Variants in PRKG1 observed in about 807,000 individuals in gnomAD.
The protein encoded by PRKG1 is protein kinase cGMP-dependent 1.
A neutral mutation model predicts 88.1 loss-of-function variants in PRKG1; 35 were observed. That is an observed-to-expected ratio of 0.40 (90% CI 0.30 to 0.53). The LOEUF is 0.53. PRKG1 is among the 20% of genes least tolerant of loss of function. PRKG1 has a pLI of 0.59. For missense variants in PRKG1, 540 were observed against 839.8 expected, an observed-to-expected ratio of 0.64 and a Z score of 4.41; for synonymous variants, 303 against 292.5, an observed-to-expected ratio of 1.04 and a Z score of -0.37.
intron 4 of PRKG1, among the ~76,000 whole-genome samples, chr10:51,888,595 G>C (rs1428805757): frequency 2.0e-5 from 3 of 152,170 alleles, no homozygotes; most frequent in Non-Finnish European, 2.9e-5. Context: ...GAGCAAAGGA[G>C]ACAAACAATG....
intron 3 of PRKG1, among the ~76,000 whole-genome samples, chr10:51,745,736 T>A (rs1837559777): frequency 6.6e-6 from 1 of 152,148 alleles, no homozygotes; most frequent in Admixed American, 6.5e-5. Context: ...AGGCTGGGCG[T>A]GGTGTCTCAC....
chr10:51,904,146 C>A (rs1194861471), intron 4 of PRKG1, among the ~76,000 whole-genome samples: 1 of 152,008 alleles, frequency 6.6e-6, no homozygotes, highest in Non-Finnish European at 1.5e-5. Context: ...TAACTTCGGG[C>A]CTATTGCAAG....
intron 4 of PRKG1, among the ~76,000 whole-genome samples, chr10:51,876,830 C>T (rs148907617): frequency 6.6e-6 from 1 of 152,212 alleles, no homozygotes; most frequent in East Asian, 1.9e-4. Context: ...AGTTCCCTTG[C>T]ACCGGGGTGG....
At chr10:51,365,523 C>A (rs1030961415) in intron 2 of PRKG1, among the ~76,000 whole-genome samples, 4 of 151,922 alleles carry the variant, frequency 2.6e-5, no homozygotes, top group Non-Finnish European at 5.9e-5. Context: ...TGCCATTCAG[C>A]CCCAATAAAT....
chr10:51,186,503 A>T (rs1837490711), intron 2 of PRKG1, among the ~76,000 whole-genome samples: 1 of 151,118 alleles, frequency 6.6e-6, no homozygotes, highest in African/African-American at 2.4e-5. Flanking sequence ...TTACCACTTC[A>T]TTTCTGAGGT....
At chr10:50,999,974 A>T (rs940934259) in intron 1 of PRKG1, among the ~76,000 whole-genome samples, 4 of 152,204 alleles carry the variant, frequency 2.6e-5, no homozygotes, top group African/African-American at 9.6e-5. Context: ...GAGGAGCACT[A>T]TCTAGAACGT....
At chr10:51,697,800 G>A in intron 3 of PRKG1, 1 of 1,614,186 alleles carries the variant, frequency 6.2e-7, no homozygotes, top group Non-Finnish European at 8.5e-7. Flanking sequence ...GTCAGTTGAA[G>A]AACCTGCATG....
chr10:51,068,690 T>A (rs1018544837), intron 1 of PRKG1: 13 of 151,966 alleles, frequency 8.6e-5, no homozygotes, highest in African/African-American at 3.1e-4. Flanking sequence ...AGAATCAAAA[T>A]TACTTTTAAA....
At chr10:51,444,474 A>G (rs1319178439) in intron 2 of PRKG1, among the ~76,000 whole-genome samples, 1 of 151,920 alleles carries the variant, frequency 6.6e-6, no homozygotes, top group African/African-American at 2.4e-5. Flanking sequence ...TAAAGCTACA[A>G]TCAAGTAAGT....
At chr10:51,529,605 C>T (rs1841966632) in intron 3 of PRKG1, among the ~76,000 whole-genome samples, 1 of 152,296 alleles carries the variant, frequency 6.6e-6, no homozygotes, top group South Asian at 2.1e-4. Flanking sequence ...ACTCATTCCA[C>T]TTAGCACTCA....
intron 7 of PRKG1, among the ~76,000 whole-genome samples, chr10:52,086,934 C>T (rs967985711): frequency 3.9e-5 from 6 of 151,994 alleles, no homozygotes; most frequent in Admixed American, 3.3e-4. Context: ...GGAGAAGTGC[C>T]GAGTAAAAGG....
At chr10:52,164,557 C>G (rs1838377976) in intron 9 of PRKG1, among the ~76,000 whole-genome samples, 1 of 151,804 alleles carries the variant, frequency 6.6e-6, no homozygotes, top group Non-Finnish European at 1.5e-5. Context: ...GAAATTAAAC[C>G]TTGCCTAGAA....
chr10:51,369,021 G>C (rs1842646074), intron 2 of PRKG1, among the ~76,000 whole-genome samples: 2 of 152,060 alleles, frequency 1.3e-5, no homozygotes, highest in Non-Finnish European at 2.9e-5. Context: ...TTAGAAATGA[G>C]ATAGTCTCTA....
At position 51,758,665 on chromosome 10, in the gene PRKG1, C is replaced by T. The variant is rs192828303; in HGVS notation, c.593-45920C>T. Among the ~76,000 whole-genome samples, 38 of 152,192 alleles carry T rather than the reference C, an allele frequency of 2.5e-4. 1 individual carries two copies. In the East Asian group the frequency reaches 5.8e-3, roughly 23 times the overall value. On this transcript the variant is annotated intron_variant, in intron 3 of 17. Transcript: ENST00000373980. ...CTCATTAGCATCTTAAATCTCTACC[C>T]AGGCCTGTGATTTTTTTTTTAAATT...
intron 9 of PRKG1, among the ~76,000 whole-genome samples, chr10:52,229,577 C>T (rs1369939145): frequency 1.3e-5 from 2 of 152,178 alleles, no homozygotes; most frequent in African/African-American, 4.8e-5. Flanking sequence ...TCAGAGAGGA[C>T]ATCTCAGACT....
rs927593131 is a variant in PRKG1, at chr10:51,656,098, T to C, written c.593-148487T>C. ...GTACAAGAAAAGAACAGCTATCATA[T>C]TCACTTCAAAGCAAGTGTTTTACTG... On this transcript the variant is annotated intron_variant, in intron 3 of 17. Coordinates refer to ENST00000373980, the MANE Select transcript of PRKG1 (RefSeq NM_006258.4). Among the ~76,000 whole-genome samples, 3 of 152,166 alleles carry C rather than the reference T, an allele frequency of 2.0e-5. No individual in the cohort carries two copies. The South Asian group carries it at 6.2e-4, about 31-fold the overall frequency.
intron 3 of PRKG1, among the ~76,000 whole-genome samples, chr10:51,609,994 TA>T (rs200514910): frequency 6.6e-6 from 1 of 152,100 alleles, no homozygotes; most frequent in African/African-American, 2.4e-5. Flanking sequence ...ACTTATAAAT[TA>T]AAAAAAAATT....
At chr10:51,975,280 A>G (rs1843803088) in intron 5 of PRKG1, among the ~76,000 whole-genome samples, 1 of 152,082 alleles carries the variant, frequency 6.6e-6, no homozygotes, top group Non-Finnish European at 1.5e-5. Flanking sequence ...TCTCTCGTGT[A>G]GACCAATCTC....
At chr10:52,261,349 C>T (rs938203554) in intron 10 of PRKG1, among the ~76,000 whole-genome samples, 2 of 152,014 alleles carry the variant, frequency 1.3e-5, no homozygotes, top group Non-Finnish European at 2.9e-5. Flanking sequence ...AAGAGAGACC[C>T]TCTCTTGATT....
Sources: gnomAD v4.1 joint callset for allele counts (sites outside exome capture counted in the v4.1 genomes callset) on GRCh38, gnomAD v4.1.1 for gene constraint, MANE v1.5 for transcripts, NCBI Gene and HGNC (gene_info 2026-07-23, HGNC 2026-07-21) for gene names.